Variants in PLEKHA5 observed in about 807,000 individuals in gnomAD.
PLEKHA5 encodes the protein pleckstrin homology domain containing A5.
Under a neutral mutation model 181.9 loss-of-function variants are expected in PLEKHA5, and 55 were observed. The ratio of observed to expected loss-of-function variants is 0.30; its 90% CI spans 0.24 to 0.38. The LOEUF (loss-of-function observed/expected upper bound fraction) is 0.38, where lower values mean the gene tolerates loss of function less well. Ranked by LOEUF, PLEKHA5 falls within the 10% of genes least tolerant of loss-of-function variation. The pLI, the probability that PLEKHA5 is intolerant of heterozygous loss-of-function variation, is 1.00. For synonymous variants in PLEKHA5, 535 were observed against 529.4 expected (o/e 1.01, Z -0.15); for missense variants, 1,432 against 1,549.5 (o/e 0.92, Z 1.27).
At chr12:19,135,440 G>A (rs1301138837) in intron 3 of PLEKHA5, among the ~76,000 whole-genome samples, 1 of 151,984 alleles carries the variant, frequency 6.6e-6, no homozygotes, top group Non-Finnish European at 1.5e-5. Flanking sequence ...ACTGTTCTGG[G>A]ATTTATAATA....
chr12:19,173,005 C>CTTTTTTTTTTTT (rs71064064), intron 3 of PLEKHA5, among the ~76,000 whole-genome samples: 545 of 33,556 alleles, frequency 0.016, 208 homozygotes, highest in Non-Finnish European at 0.023. Flanking sequence ...ATTTCCCTTT[C>CTTTTTTTTTTTT]TTTTTTTTTT....
At chr12:19,188,234 A>C (rs1000216392) in intron 3 of PLEKHA5, among the ~76,000 whole-genome samples, 1 of 152,214 alleles carries the variant, frequency 6.6e-6, no homozygotes, top group East Asian at 1.9e-4. Flanking sequence ...TTACTTTAAC[A>C]TTAAGGACAT....
At chr12:19,144,942 T>A (rs1453586409) in intron 3 of PLEKHA5, among the ~76,000 whole-genome samples, 1 of 152,228 alleles carries the variant, frequency 6.6e-6, no homozygotes, top group East Asian at 1.9e-4. Context: ...CAGTTTCACA[T>A]TGACAGTTAA....
intron 3 of PLEKHA5, among the ~76,000 whole-genome samples, chr12:19,234,868 T>C (rs971345025): frequency 1.3e-5 from 2 of 152,204 alleles, no homozygotes; most frequent in African/African-American, 4.8e-5. Context: ...TTACTATATT[T>C]TAATCTTCAT....
chr12:19,174,278 G>T (rs1386394213), intron 3 of PLEKHA5, among the ~76,000 whole-genome samples: 4 of 152,102 alleles, frequency 2.6e-5, no homozygotes, highest in Non-Finnish European at 5.9e-5. Context: ...TGTTCTTCCT[G>T]CTAAACTGCT....
intron 3 of PLEKHA5, among the ~76,000 whole-genome samples, chr12:19,212,492 C>T (rs1230407318): frequency 6.6e-6 from 1 of 152,078 alleles, no homozygotes; most frequent in Non-Finnish European, 1.5e-5. Flanking sequence ...ACCAGTCTGG[C>T]CAACATGGTG....
intron 28 of PLEKHA5, among the ~76,000 whole-genome samples, chr12:19,359,789 C>T (rs971995856): frequency 6.6e-6 from 1 of 151,156 alleles, no homozygotes; most frequent in Admixed American, 6.6e-5. Flanking sequence ...CGGTAAAACC[C>T]CGTCTCTACT....
chr12:19,172,311 G>A (rs76044789), intron 3 of PLEKHA5, among the ~76,000 whole-genome samples: 1,586 of 152,206 alleles, frequency 0.01, 17 homozygotes, highest in African/African-American at 0.031. Flanking sequence ...AATCTTAGGG[G>A]ACTACTGTTA....
chr12:19,341,075 C>G (rs1026776629), intron 21 of PLEKHA5, among the ~76,000 whole-genome samples: 3 of 152,078 alleles, frequency 2.0e-5, no homozygotes, highest in African/African-American at 4.8e-5. Context: ...GAGTTCAAGA[C>G]CAGCCTGGCC....
chr12:19,351,486 CTT>C (rs1030094161), intron 25 of PLEKHA5, among the ~76,000 whole-genome samples: 10 of 152,164 alleles, frequency 6.6e-5, no homozygotes, highest in African/African-American at 2.4e-4. Context: ...GCTTTAACAT[CTT>C]TGTTTTGTTC....
chr12:19,147,924 A>AT (rs1309746289), intron 3 of PLEKHA5, among the ~76,000 whole-genome samples: 1 of 151,934 alleles, frequency 6.6e-6, no homozygotes, highest in Admixed American at 6.6e-5. Flanking sequence ...TTTTTTAGAG[A>AT]TGGGGTCTCA....
intron 8 of PLEKHA5, among the ~76,000 whole-genome samples, chr12:19,268,132 A>G (rs1361621914): frequency 6.6e-6 from 1 of 152,196 alleles, no homozygotes; most frequent in African/African-American, 2.4e-5. Flanking sequence ...TATCAAAATA[A>G]ACTGTATCAA....
At chr12:19,184,471 T>C (rs772783515) in intron 3 of PLEKHA5, among the ~76,000 whole-genome samples, 4 of 152,142 alleles carry the variant, frequency 2.6e-5, no homozygotes, top group Non-Finnish European at 4.4e-5. Context: ...GAGTTTATAT[T>C]CTCGTGTAAG....
chr12:19,274,063 G>C (rs146097494), intron 10 of PLEKHA5, among the ~76,000 whole-genome samples: 2,106 of 152,288 alleles, frequency 0.014, 161 homozygotes, highest in Admixed American at 0.13. Context: ...ATCTTTGATA[G>C]CATCAGACTA....
intron 21 of PLEKHA5, among the ~76,000 whole-genome samples, chr12:19,340,420 C>T (rs1363245868): frequency 2.1e-5 from 3 of 140,060 alleles, no homozygotes; most frequent in Admixed American, 7.3e-5. Flanking sequence ...TGAGGGGCGC[C>T]TCTGCCCGGC....
At chr12:19,282,814 T>G (rs1192286115) in intron 11 of PLEKHA5, among the ~76,000 whole-genome samples, 1 of 152,216 alleles carries the variant, frequency 6.6e-6, no homozygotes, top group East Asian at 1.9e-4. Context: ...GCTGTTTATC[T>G]TGTATTAAGT....
intron 3 of PLEKHA5, among the ~76,000 whole-genome samples, chr12:19,194,811 A>G (rs954040461): frequency 3.9e-5 from 6 of 152,222 alleles, no homozygotes; most frequent in African/African-American, 1.4e-4. Flanking sequence ...ATACATTTCT[A>G]GTAGTACCAC....
intron 3 of PLEKHA5, among the ~76,000 whole-genome samples, chr12:19,232,011 C>G (rs2060703273): frequency 6.6e-6 from 1 of 152,046 alleles, no homozygotes; most frequent in Non-Finnish European, 1.5e-5. Flanking sequence ...AGCTCAGAAG[C>G]TGAGATGCCC....
intron 21 of PLEKHA5, among the ~76,000 whole-genome samples, chr12:19,341,838 C>T (rs1484436037): frequency 2.0e-5 from 3 of 151,892 alleles, no homozygotes; most frequent in Non-Finnish European, 4.4e-5. Flanking sequence ...CTCAAGTGAT[C>T]CTCTCACCTC....
Sources: allele counts gnomAD v4.1 joint callset (sites outside exome capture counted in the v4.1 genomes callset), GRCh38; gene constraint gnomAD v4.1.1; transcripts MANE v1.5; gene names NCBI Gene and HGNC (gene_info 2026-07-23, HGNC 2026-07-21).